PCDH11Y: variants seen among roughly 807,000 people sequenced by gnomAD.
The protein encoded by PCDH11Y is protocadherin-11 Y-linked.
For missense variants in PCDH11Y, 12 were observed against 224.8 expected, an observed-to-expected ratio of 0.05 and a Z score of 6.05; for synonymous variants, 9 against 83.6, an observed-to-expected ratio of 0.11 and a Z score of 4.87.
At chrY:5,722,188 G>C in intron 4 of PCDH11Y, among the ~76,000 whole-genome samples, 4 of 31,227 alleles carry the variant, frequency 1.3e-4, no homozygotes, top group Admixed American at 1.2e-3. Context: ...AAATTGACTA[G>C]AGTGATTCAA....
At chrY:5,475,292 T>A in intron 2 of PCDH11Y, among the ~76,000 whole-genome samples, 2 of 33,232 alleles carry the variant, frequency 6.0e-5, no homozygotes, top group Admixed American at 5.5e-4. Flanking sequence ...TTGAATATGA[T>A]ATTAGCTGCA....
intron 2 of PCDH11Y, among the ~76,000 whole-genome samples, chrY:5,118,139 T>C: frequency 3.1e-5 from 1 of 32,542 alleles, no homozygotes; most frequent in African/African-American, 1.2e-4. Context: ...TATGTTCCAA[T>C]TTGAAAAAGA....
chrY:5,086,316 T>G, intron 1 of PCDH11Y, among the ~76,000 whole-genome samples: 1 of 32,650 alleles, frequency 3.1e-5, no homozygotes, highest in Non-Finnish European at 7.5e-5. Context: ...AATTTTGAAT[T>G]CCTTCTCCAC....
chrY:5,064,666 T>TG (rs2052682816), intron 1 of PCDH11Y, among the ~76,000 whole-genome samples: 8 of 18,888 alleles, frequency 4.2e-4, no homozygotes, highest in African/African-American at 1.6e-3. Flanking sequence ...ACATACATAC[T>TG]TGTGTGTGTG....
chrY:5,097,697 T>C, intron 1 of PCDH11Y, among the ~76,000 whole-genome samples: 1 of 31,875 alleles, frequency 3.1e-5, no homozygotes, highest in Non-Finnish European at 7.6e-5. Context: ...TATGGTGGAG[T>C]GTATATTGCT....
chrY:5,052,749 A>G (rs2052654716), upstream of PCDH11Y, among the ~76,000 whole-genome samples: 19 of 28,076 alleles, frequency 6.8e-4, no homozygotes, highest in Non-Finnish European at 3.4e-4. Flanking sequence ...TCCTTTATCA[A>G]TTTCCAAACT....
intron 2 of PCDH11Y, among the ~76,000 whole-genome samples, chrY:5,312,524 T>C: frequency 1.1e-4 from 3 of 27,642 alleles, no homozygotes; most frequent in South Asian, 1.7e-3. Flanking sequence ...ATAAGATATA[T>C]ATTTCTTATA....
At chrY:5,676,785 C>A in intron 4 of PCDH11Y, among the ~76,000 whole-genome samples, 2 of 32,516 alleles carry the variant, frequency 6.2e-5, no homozygotes, top group African/African-American at 1.2e-4. Flanking sequence ...AGCCATTCAA[C>A]AAGTCTCTGG....
intron 2 of PCDH11Y, among the ~76,000 whole-genome samples, chrY:5,422,651 A>C: frequency 3.0e-5 from 1 of 33,224 alleles, no homozygotes; most frequent in East Asian, 7.9e-4. Flanking sequence ...TATATGGTTA[A>C]ATGATTTTCG....
intron 3 of PCDH11Y, among the ~76,000 whole-genome samples, chrY:5,538,239 A>C: frequency 3.0e-5 from 1 of 33,842 alleles, no homozygotes; most frequent in African/African-American, 1.2e-4. Context: ...TGAGCAAAGA[A>C]GTGGCATGAT....
At chrY:5,119,270 A>G in intron 2 of PCDH11Y, among the ~76,000 whole-genome samples, 1 of 32,897 alleles carries the variant, frequency 3.0e-5, no homozygotes, top group African/African-American at 1.2e-4. Flanking sequence ...TCCCATTTCT[A>G]ATATATGAAC....
At chrY:5,170,072 A>G in intron 2 of PCDH11Y, among the ~76,000 whole-genome samples, 4 of 31,978 alleles carry the variant, frequency 1.3e-4, no homozygotes, top group African/African-American at 3.6e-4. Context: ...ATTTGGATTC[A>G]AACCTGTTTC....
chrY:5,529,839 C>T, intron 3 of PCDH11Y, among the ~76,000 whole-genome samples: 1 of 32,301 alleles, frequency 3.1e-5, no homozygotes, highest in Admixed American at 2.8e-4. Flanking sequence ...GATCATTTCC[C>T]GTTCTATGCT....
chrY:5,182,419 C>T, intron 2 of PCDH11Y, among the ~76,000 whole-genome samples: 1 of 32,878 alleles, frequency 3.0e-5, no homozygotes, highest in South Asian at 6.8e-4. Context: ...GGATCTGCCC[C>T]TAGAAGCTGT....
chrY:5,173,220 G>A, intron 2 of PCDH11Y, among the ~76,000 whole-genome samples: 1 of 33,227 alleles, frequency 3.0e-5, no homozygotes, highest in Non-Finnish European at 7.5e-5. Context: ...TAATTTTAAC[G>A]ATTTTATATT....
chrY:5,008,002 C>T, intron 1 of PCDH11Y, among the ~76,000 whole-genome samples: 1 of 31,508 alleles, frequency 3.2e-5, no homozygotes, highest in Non-Finnish European at 7.8e-5. Flanking sequence ...ATTATATTCT[C>T]CTATTTAGTG....
chrY:5,159,134 C>T, intron 2 of PCDH11Y, among the ~76,000 whole-genome samples: 1 of 30,974 alleles, frequency 3.2e-5, no homozygotes, highest in African/African-American at 1.3e-4. Context: ...TTTATTTTGC[C>T]GAGGTTAAGG....
intron 1 of PCDH11Y, among the ~76,000 whole-genome samples, chrY:5,027,021 G>A: frequency 3.1e-5 from 1 of 32,530 alleles, no homozygotes; most frequent in Non-Finnish European, 7.5e-5. Flanking sequence ...TACTTTGGGA[G>A]GCCAAAGCAG....
intron 3 of PCDH11Y, among the ~76,000 whole-genome samples, chrY:5,562,541 C>T: frequency 3.3e-5 from 1 of 30,326 alleles, no homozygotes; most frequent in Admixed American, 3.0e-4. Context: ...GCGGGTGGAT[C>T]ATGAGGTCAG....
Sources: gnomAD v4.1 joint callset for allele counts (sites outside exome capture counted in the v4.1 genomes callset) on GRCh38, gnomAD v4.1.1 for gene constraint, MANE v1.5 for transcripts, NCBI Gene and HGNC (gene_info 2026-07-23, HGNC 2026-07-21) for gene names.